Variants in XAB2 observed in about 807,000 individuals in gnomAD.
XAB2 encodes the protein pre-mRNA-splicing factor SYF1.
XAB2 carries 57 observed loss-of-function variants against 113.4 expected under a neutral mutation model. The observed-to-expected ratio is 0.50, with a 90% confidence interval of 0.41 to 0.63. The LOEUF is 0.63. Among genes scored for constraint, XAB2 ranks in the 20% least tolerant of loss-of-function variants. The pLI, the probability that XAB2 is intolerant of heterozygous loss-of-function variation, is 0.00. For missense variants in XAB2, 1,037 were observed against 1,233.3 expected, an observed-to-expected ratio of 0.84 and a Z score of 2.38; for synonymous variants, 497 against 498.8, an observed-to-expected ratio of 1.00 and a Z score of 0.05.
Position 7,623,093 on chromosome 19 carries a change from T to C in XAB2, c.1239+77A>G, listed in dbSNP as rs1211881284. On this transcript the variant is annotated intron_variant, in intron 9 of 18. Coordinates refer to ENST00000358368, the MANE Select transcript of XAB2 (RefSeq NM_020196.3). The surrounding 1 kb of genome is among the most constrained non-coding windows in gnomAD (Gnocchi z 4.6). Reference sequence around the variant, plus strand: ...GTGCACACATCCATGCACAAATATGTACACACACATACATGCACACATATA... The same window carrying C: ...GTGCACACATCCATGCACAAATATGCACACACACATACATGCACACATATA... 3.1e-6 allele frequency: 5 copies of C among 1,588,122 alleles called. No individual in the cohort carries two copies. The highest frequency in any genetic ancestry group is 4.3e-6 in the Non-Finnish European group (5 of 1,166,760).
Position 7,622,588 on chromosome 19 carries a change from T to C in XAB2, c.1445A>G (p.Lys482Arg). The C allele has an allele frequency of 6.2e-7, 1 of 1,613,266 alleles. No homozygotes were observed. The highest frequency in any genetic ancestry group is 8.5e-7 in the Non-Finnish European group (1 of 1,180,032). Residue 482 changes from lysine to arginine, a missense_variant, in exon 11 of 19, where the codon AAG (lysine) becomes AGG (arginine). Lys to Arg is a conservative substitution (Grantham distance 26). Transcript: ENST00000358368. The part of the protein sequence containing the change: ...GSEPVQNRVY[K>R]SLKVWSMLAD... Reference sequence around the variant, plus strand: ...GAGCATGGACCAGACCTTCAGTGACTTGTACACGCGGTTCTGCACGGGCTC... The same window carrying C: ...GAGCATGGACCAGACCTTCAGTGACCTGTACACGCGGTTCTGCACGGGCTC...
rs1350301332 is a variant in XAB2, at chr19:7,622,757, C to A, written c.1371+5G>T. Reference sequence around the variant, plus strand: ...CCCCACCCCACAGCCTGGGCCTGTTCTCACTCGCAGCAGCCGCAAGGCCTC... The same window carrying A: ...CCCCACCCCACAGCCTGGGCCTGTTATCACTCGCAGCAGCCGCAAGGCCTC... On this transcript the variant is annotated splice_donor_5th_base_variant and intron_variant, in intron 10 of 18. Transcript: ENST00000358368. 1 of 1,613,976 alleles carries A rather than the reference C, an allele frequency of 6.2e-7. No homozygotes were observed. Among genetic ancestry groups the A allele is most frequent in the South Asian group, 1.1e-5 (1 of 91,088 alleles).
At position 7,621,274 on chromosome 19, in the gene XAB2, C is replaced by T. The variant is rs1279441579; in HGVS notation, c.1641G>A (p.Leu547=). 1 of 1,612,912 alleles carries T rather than the reference C, an allele frequency of 6.2e-7. No homozygotes were observed. Among genetic ancestry groups the T allele is most frequent in the African/African-American group, 1.3e-5 (1 of 74,930 alleles). The part of the protein sequence containing the change: ...SFKAYERGIS[L]FKWPNVSDIW... ...TGTCGGACACGTTGGGCCACTTGAACAGCGAGATGCCGCGCTCGTACGCCT... is the reference window on the plus strand; with the variant it reads ...TGTCGGACACGTTGGGCCACTTGAATAGCGAGATGCCGCGCTCGTACGCCT... Residue 547 remains leucine (L), a synonymous_variant, in exon 13 of 19, where the codon CTG becomes CTA. Transcript: ENST00000358368.
chr19:7,628,955 A>C lies in XAB2; in HGVS notation c.51+522T>G, dbSNP rs1315438647. On this transcript the variant is annotated intron_variant, in intron 1 of 18. Coordinates refer to ENST00000358368, the MANE Select transcript of XAB2 (RefSeq NM_020196.3). The surrounding 1 kb of genome is among the most constrained non-coding windows in gnomAD (Gnocchi z 4.6). ...ACACCAAGAATCTGGTGAAGATGTC[A>C]CGCCTCTACTCCAGAGAGTAAGTAT... 6.6e-6 allele frequency among the ~76,000 whole-genome samples: 1 copy of C among 152,218 alleles called. No individual in the cohort carries two copies. Among genetic ancestry groups the C allele is most frequent in the Non-Finnish European group, 1.5e-5 (1 of 68,046 alleles).
rs776775897 is a variant in XAB2, at chr19:7,629,479, A to T, written c.49T>A (p.Phe17Ile). 6.3e-7 allele frequency: 1 copy of T among 1,599,872 alleles called. No individual in the cohort carries two copies. Among genetic ancestry groups the T allele is most frequent in the Non-Finnish European group, 8.5e-7 (1 of 1,173,578 alleles). The part of the protein sequence containing the change: ...LSRPERPDLV[F>I]EEEDLPYEEE... ...CCCCGGCTCCTCTGTGGACTCACGA[A>T]GACAAGGTCCGGCCGCTCGGGCCGC... The change falls in exon 1 of 19, where the codon TTC (phenylalanine) becomes ATC (isoleucine). Residue 17 changes from phenylalanine to isoleucine, a missense_variant and splice_region_variant. Coordinates refer to ENST00000358368, the MANE Select transcript of XAB2 (RefSeq NM_020196.3).
chr19:7,621,236 T>C lies in XAB2; in HGVS notation c.1679A>G (p.Tyr560Cys), dbSNP rs2031026868. 1 of 1,613,100 alleles carries C rather than the reference T, an allele frequency of 6.2e-7. No homozygotes were observed. The highest frequency in any genetic ancestry group is 8.5e-7 in the Non-Finnish European group (1 of 1,179,976). Residue 560 changes from tyrosine (Y) to cysteine (C), a missense_variant, in exon 13 of 19, where the codon TAC becomes TGC. Physicochemically the swap from Tyr to Cys is radical, Grantham distance 194. Transcript: ENST00000358368. ...ATAGCGGGCAATGAATTTGGTCAGG[T>C]AGGTGCTCCAGATGTCGGACACGTT... ...WPNVSDIWST[Y>C]LTKFIARYGG...
Position 7,629,440 on chromosome 19 carries a change from C to T in XAB2, c.51+37G>A, listed in dbSNP as rs1360669463. Reference sequence around the variant, plus strand: ...CCTGCGGCGTCCAGGTCCCAATGCCCCAACGCAGGCCACCCCCGGCTCCTC... The same window carrying T: ...CCTGCGGCGTCCAGGTCCCAATGCCTCAACGCAGGCCACCCCCGGCTCCTC... On this transcript the variant is annotated intron_variant, in intron 1 of 18. Transcript: ENST00000358368. 9 of 1,572,304 alleles carry T rather than the reference C, an allele frequency of 5.7e-6. No homozygotes were observed. In the African/African-American group the frequency reaches 1.2e-4, roughly 21 times the overall value.
chr19:7,622,295 C>A (rs760193363), intron 12 of XAB2, 36 bp downstream of exon 12: 4 of 1,601,258 alleles, frequency 2.5e-6, no homozygotes, highest in Non-Finnish European at 2.6e-6. Context: ...GGGGACACTG[C>A]CATCAGGGGC....
intron 12 of XAB2, 74 bp downstream of exon 12, chr19:7,622,257 T>G: frequency 2.2e-6 from 3 of 1,377,516 alleles, no homozygotes; most frequent in Non-Finnish European, 3.1e-6. Context: ...CCCCAGCAGA[T>G]TCGTAAGTTG....
At position 7,627,100 on chromosome 19, in the gene XAB2, C is replaced by T. The variant is rs1291014838; in HGVS notation, c.522+143G>A. 4 of 960,014 alleles carry T rather than the reference C, an allele frequency of 4.2e-6. No individual in the cohort carries two copies. Among genetic ancestry groups the T allele is most frequent in the Non-Finnish European group, 4.6e-6 (3 of 647,532 alleles). The allele number at this position is 960,014 out of a possible 1,614,324, so 59.5% of individuals were successfully genotyped here. A position where few individuals can be genotyped will look rare whatever the true frequency, so the allele number is the denominator to read the frequency against. The stretch of plus-strand genomic sequence containing the variant: ...CTATTTGGAAAATAAAGACATGAAT[C>T]ACGGACAACAACAAAACACATGCAT... On this transcript the variant is annotated intron_variant, in intron 4 of 18. Coordinates refer to ENST00000358368, the MANE Select transcript of XAB2 (RefSeq NM_020196.3). This position sits in a 1 kb window ranked among gnomAD's most constrained non-coding sequence, Gnocchi z 4.5.
Position 7,624,398 on chromosome 19 carries a change from C to T in XAB2, c.870G>A (p.Arg290=), listed in dbSNP as rs369380906. Reference sequence around the variant, plus strand: ...AGCTGTCAAACACCTGTGTGAAGTCCCGCACGGTCATCACTGTCCGGATGG... The same window carrying T: ...AGCTGTCAAACACCTGTGTGAAGTCTCGCACGGTCATCACTGTCCGGATGG... ...EEAIRTVMTV[R]DFTQVFDSYA... is the part of the protein sequence containing the mutation. The change falls in exon 7 of 19, where the codon CGG becomes CGA. Residue 290 remains arginine (R), a synonymous_variant. Coordinates refer to ENST00000358368, the MANE Select transcript of XAB2 (RefSeq NM_020196.3). This position sits in a 1 kb window ranked among gnomAD's most constrained non-coding sequence, Gnocchi z 4.2. 1.2e-4 allele frequency: 189 copies of T among 1,614,058 alleles called. 3 individuals carry two copies. Among genetic ancestry groups the T allele is most frequent in the Non-Finnish European group, 1.7e-5 (20 of 1,180,028 alleles).
At position 7,620,229 on chromosome 19, in the gene XAB2, G is replaced by C. The variant is rs2031000529; in HGVS notation, c.2266+46C>G. On this transcript the variant is annotated intron_variant, in intron 16 of 18. Transcript: ENST00000358368. ...ACCCGGAAAGCCCAGGTCAGGCCGGGCTGAGATGCCCTGGATCAGGAACTC... is the reference window on the plus strand; with the variant it reads ...ACCCGGAAAGCCCAGGTCAGGCCGGCCTGAGATGCCCTGGATCAGGAACTC... 1.9e-6 allele frequency: 3 copies of C among 1,609,476 alleles called. No individual in the cohort carries two copies. The South Asian group carries it at 3.3e-5, about 18-fold the overall frequency.
chr19:7,629,353 G>A (rs1333330080), intron 1 of XAB2, 124 bp downstream of exon 1: 2 of 1,179,682 alleles, frequency 1.7e-6, no homozygotes, highest in Non-Finnish European at 2.4e-6. Flanking sequence ...GGCCCATTAG[G>A]GTTCCCAGAC....
chr19:7,621,391 C>CA (rs2031031175), intron 12 of XAB2, 94 bp from the exon 13 acceptor site: 2 of 1,454,536 alleles, frequency 1.4e-6, no homozygotes, highest in Non-Finnish European at 1.9e-6. Context: ...GGGAGCCTGC[C>CA]AGGAACTCCC....
intron 12 of XAB2, chr19:7,621,635 G>A: frequency 2.8e-6 from 1 of 362,640 alleles, no homozygotes; most frequent in Non-Finnish European, 5.1e-6. Context: ...CAGAGGGGCA[G>A]GCAGTAGCAC....
At position 7,622,646 on chromosome 19, in the gene XAB2, G is replaced by A; in HGVS notation, c.1387C>T (p.Pro463Ser). ...LRLLRKATAL[P>S]ARRAEYFDGS... ...TCAAAGTACTCGGCCCGGCGGGCAG[G>A]CAGCGCCGTGGCCTTCTGCAGGGGC... Residue 463 changes from proline (P) to serine (S), a missense_variant, in exon 11 of 19, where the codon CCT becomes TCT. By Grantham distance (74) the Pro-to-Ser change is moderately conservative. Coordinates refer to ENST00000358368, the MANE Select transcript of XAB2 (RefSeq NM_020196.3). 1 of 1,611,300 alleles carries A rather than the reference G, an allele frequency of 6.2e-7. No individual in the cohort carries two copies. Among genetic ancestry groups the A allele is most frequent in the Non-Finnish European group, 8.5e-7 (1 of 1,179,940 alleles).
chr19:7,624,645 C>G lies in XAB2; in HGVS notation c.823-200G>C, dbSNP rs552079987. ...CCCTGCCCTGCACTGCCAGGGTGGTCTTGGGAGCTTCAGGACCTCCTCAGT... is the reference window on the plus strand; with the variant it reads ...CCCTGCCCTGCACTGCCAGGGTGGTGTTGGGAGCTTCAGGACCTCCTCAGT... On this transcript the variant is annotated intron_variant, in intron 6 of 18. Transcript: ENST00000358368. This position sits in a 1 kb window ranked among gnomAD's most constrained non-coding sequence, Gnocchi z 4.2. Among the ~76,000 whole-genome samples, 16 of 152,262 alleles carry G rather than the reference C, an allele frequency of 1.1e-4. No individual in the cohort carries two copies. The highest frequency in any genetic ancestry group is 6.2e-4 in the South Asian group (3 of 4,826).
chr19:7,622,097 G>A (rs1213715527), intron 12 of XAB2: 7 of 505,852 alleles, frequency 1.4e-5, no homozygotes, highest in African/African-American at 5.8e-5. Flanking sequence ...AAGACATAGG[G>A]AGAAGGCGGC....
In XAB2 at chr19:7,628,433, AC is replaced by A; in HGVS notation, c.52-136del. On this transcript the variant is annotated intron_variant, in intron 1 of 18. Coordinates refer to ENST00000358368, the MANE Select transcript of XAB2 (RefSeq NM_020196.3). This position sits in a 1 kb window ranked among gnomAD's most constrained non-coding sequence, Gnocchi z 4.6. ...CACCACCCACCAAGGAAGTCAGGTC[AC>A]CAGATGCCCAGGCACCAAACCAGAT... is the stretch of plus-strand genomic sequence containing the variant. The A allele has an allele frequency of 3.7e-6, 4 of 1,081,820 alleles. No homozygotes were observed. Among genetic ancestry groups the A allele is most frequent in the Non-Finnish European group, 4.0e-6 (3 of 756,416 alleles). The allele number at this position is 1,081,820 out of a possible 1,614,324, so 67.0% of individuals were successfully genotyped here.
Sources: allele counts gnomAD v4.1 joint callset (sites outside exome capture counted in the v4.1 genomes callset), GRCh38; gene constraint gnomAD v4.1.1; non-coding constraint Gnocchi (gnomAD v3.1); transcripts MANE v1.5; gene names NCBI Gene and HGNC (gene_info 2026-07-23, HGNC 2026-07-21).